Variants in HOMER1 observed in about 807,000 individuals in gnomAD.
HOMER1 encodes the protein homer protein homolog 1.
HOMER1 carries 3 observed loss-of-function variants against 48.9 expected under a neutral mutation model. That is an observed-to-expected ratio of 0.06 (90% CI 0.03 to 0.16). The LOEUF is 0.16. Ranked by LOEUF, HOMER1 falls within the 10% of genes least tolerant of loss-of-function variation. The probability of loss-of-function intolerance (pLI) is 1.00; values close to 1 mark genes in which losing one functional copy is unlikely to be tolerated. For missense variants in HOMER1, 247 were observed against 411.4 expected (o/e 0.60, Z 3.46); for synonymous variants, 134 against 146.4 (o/e 0.92, Z 0.61).
chr5:79,405,554 G>C (rs1749641652), intron 5 of HOMER1, among the ~76,000 whole-genome samples: 1 of 151,826 alleles, frequency 6.6e-6, no homozygotes, highest in Non-Finnish European at 1.5e-5. Context: ...ATGAATTTTT[G>C]TCCAATTTTT....
rs888329520 is a variant in HOMER1 at position 79,471,827 on chromosome 5, C to T, written c.6-14809G>A. On this transcript the variant is annotated intron_variant, in intron 1 of 8. Transcript: ENST00000334082. ...GCCTTCCTGATGTTTCTCAAACATG[C>T]CAGGCACTGCCCCCATCAAGGCCTT... Among the ~76,000 whole-genome samples, 26 of 152,156 alleles carry T rather than the reference C, an allele frequency of 1.7e-4. 1 individual carries two copies. Among genetic ancestry groups the T allele is most frequent in the African/African-American group, 6.3e-4 (26 of 41,452 alleles).
intron 1 of HOMER1, among the ~76,000 whole-genome samples, chr5:79,503,047 A>G (rs1399196244): frequency 6.6e-6 from 1 of 151,988 alleles, no homozygotes; most frequent in Non-Finnish European, 1.5e-5. Flanking sequence ...TTGGCCTCCC[A>G]AAGTGCTGGG....
intron 2 of HOMER1, among the ~76,000 whole-genome samples, chr5:79,455,681 C>T (rs1751155942): frequency 6.6e-6 from 1 of 152,216 alleles, no homozygotes; most frequent in Admixed American, 6.5e-5. Flanking sequence ...TCTGGCTCTA[C>T]AGTGTGTGCA....
At chr5:79,448,000 G>A (rs964081102) in intron 3 of HOMER1, among the ~76,000 whole-genome samples, 3 of 152,064 alleles carry the variant, frequency 2.0e-5, no homozygotes, top group Admixed American at 6.5e-5. Context: ...CCTCATAAAC[G>A]AACTCTGATT....
At chr5:79,408,105 T>C (rs1184989852) in intron 5 of HOMER1, among the ~76,000 whole-genome samples, 1 of 152,152 alleles carries the variant, frequency 6.6e-6, no homozygotes, top group Non-Finnish European at 1.5e-5. Context: ...GAAAAAAACA[T>C]AAACATAAAC....
intron 8 of HOMER1, among the ~76,000 whole-genome samples, chr5:79,390,424 CA>C (rs1366143958): frequency 6.6e-6 from 1 of 151,978 alleles, no homozygotes; most frequent in African/African-American, 2.4e-5. Flanking sequence ...AAACTAAGAC[CA>C]TTTTAAATAT....
intron 5 of HOMER1, among the ~76,000 whole-genome samples, chr5:79,433,327 G>A (rs1434630647): frequency 6.6e-6 from 1 of 152,088 alleles, no homozygotes; most frequent in African/African-American, 2.4e-5. Flanking sequence ...TTGGGGGGCC[G>A]AGGCAGGTGG....
rs567811388 is a variant in HOMER1 at position 79,466,280 on chromosome 5, C to T, written c.6-9262G>A. Among the ~76,000 whole-genome samples, 21 of 152,088 alleles carry T rather than the reference C, an allele frequency of 1.4e-4. No homozygotes were observed. In the Middle Eastern group the frequency reaches 0.01, roughly 74 times the overall value. ...CCTGTAATCCCAGCACTTTCGGAGG[C>T]TGAGACAGGCAGATTGCCTGAGCCC... On this transcript the variant is annotated intron_variant, in intron 1 of 8. Transcript: ENST00000334082.
At chr5:79,390,455 AAG>A (rs1238148624) in intron 8 of HOMER1, among the ~76,000 whole-genome samples, 1 of 152,212 alleles carries the variant, frequency 6.6e-6, no homozygotes, top group Non-Finnish European at 1.5e-5. Flanking sequence ...TTTAAAAATC[AAG>A]AGATAGTTAA....
chr5:79,475,268 A>ACTGTCTGGCTCTAGAGCCCGTAGC (rs1751731955), intron 1 of HOMER1, among the ~76,000 whole-genome samples: 1 of 150,990 alleles, frequency 6.6e-6, no homozygotes, highest in Non-Finnish European at 1.5e-5. Context: ...GAGCCGGCAC[A>ACTGTCTGGCTCTAGAGCCCGTAGC]CTGTCTGGCT....
chr5:79,510,186 G>A (rs1386985995), intron 1 of HOMER1, among the ~76,000 whole-genome samples: 1 of 149,312 alleles, frequency 6.7e-6, no homozygotes, highest in South Asian at 2.1e-4. Flanking sequence ...CCAAATACAG[G>A]CTTTCCAAAA....
intron 6 of HOMER1, among the ~76,000 whole-genome samples, chr5:79,400,847 C>T (rs1749518867): frequency 6.8e-6 from 1 of 146,190 alleles, no homozygotes; most frequent in Admixed American, 6.9e-5. Context: ...TGGGCTCAAG[C>T]AATCCTTCCC....
At chr5:79,388,144 C>T (rs1264974640) in intron 8 of HOMER1, among the ~76,000 whole-genome samples, 1 of 151,864 alleles carries the variant, frequency 6.6e-6, no homozygotes, top group East Asian at 1.9e-4. Context: ...CCAGAGCAGA[C>T]TATAAGAAAG....
At chr5:79,510,036 T>C (rs777108330) in intron 1 of HOMER1, among the ~76,000 whole-genome samples, 1 of 152,182 alleles carries the variant, frequency 6.6e-6, no homozygotes, top group African/African-American at 2.4e-5. Context: ...GCAGCTATGC[T>C]AATTCCACAA....
intron 1 of HOMER1, among the ~76,000 whole-genome samples, chr5:79,511,719 T>C (rs1752949725): frequency 6.6e-6 from 1 of 152,242 alleles, no homozygotes; most frequent in South Asian, 2.1e-4. Flanking sequence ...AAGTTATGCA[T>C]GTTAAACTTC....
At chr5:79,429,489 T>C (rs999874523) in intron 5 of HOMER1, among the ~76,000 whole-genome samples, 3 of 152,130 alleles carry the variant, frequency 2.0e-5, no homozygotes, top group Admixed American at 2.0e-4. Context: ...GGTGCCAAGG[T>C]TCAGTGTATA....
rs1009644672 is a variant in HOMER1, at chr5:79,474,206, A to ATT, written c.6-17190_6-17189dup. Among the ~76,000 whole-genome samples, 327 of 98,744 alleles carry ATT rather than the reference A, an allele frequency of 3.3e-3. 8 individuals carry two copies. The highest frequency in any genetic ancestry group is 6.7e-3 in the African/African-American group (144 of 21,386). 64.8% of individuals were successfully genotyped at this position (98,744 alleles called of 152,430 possible). ...GTGTGCACCATCATGCCCAACCAAA[A>ATT]TTTTTTTTTTTTTTTTTTTTTTTTT... On this transcript the variant is annotated intron_variant, in intron 1 of 8. Transcript: ENST00000334082.
rs1022687955 is a variant in HOMER1 at position 79,513,221 on chromosome 5, G to A, written c.-447C>T. The A allele has an allele frequency of 2.4e-5, 4 of 163,758 alleles. No homozygotes were observed. Among genetic ancestry groups the A allele is most frequent in the Non-Finnish European group, 5.3e-5 (4 of 75,968 alleles). 10.1% of individuals were successfully genotyped at this position (163,758 alleles called of 1,614,324 possible). A position where few individuals can be genotyped will look rare whatever the true frequency, so the allele number is the denominator to read the frequency against. On this transcript the variant is annotated 5_prime_UTR_variant, in exon 1 of 9. Coordinates refer to ENST00000334082, the MANE Select transcript of HOMER1 (RefSeq NM_004272.5). The stretch of plus-strand genomic sequence containing the variant: ...ATTTCTCCACCACACCAGGTCTCCG[G>A]GGGTGGAGCGAGCAACCAAACGCGA...
intron 1 of HOMER1, among the ~76,000 whole-genome samples, chr5:79,472,624 A>AT (rs1220201109): frequency 1.3e-5 from 2 of 151,792 alleles, no homozygotes; most frequent in South Asian, 2.1e-4. Flanking sequence ...AAAATAAAAA[A>AT]AAAAAGTTAG....
Sources: allele counts gnomAD v4.1 joint callset (sites outside exome capture counted in the v4.1 genomes callset), GRCh38; gene constraint gnomAD v4.1.1; transcripts MANE v1.5; gene names NCBI Gene and HGNC (gene_info 2026-07-23, HGNC 2026-07-21).